The following SYNM variants were observed in gnomAD, a reference collection of about 807,000 sequenced individuals.
SYNM encodes the protein desmuslin.
A neutral mutation model predicts 104.0 loss-of-function variants in SYNM; 95 were observed. The observed-to-expected ratio is 0.91, with a 90% CI of 0.77 to 1.08. The LOEUF is 1.08. Ranked by LOEUF, SYNM falls within the 50% of genes least tolerant of loss-of-function variation. The probability of loss-of-function intolerance (pLI) is 0.00; values close to 1 mark genes in which losing one functional copy is unlikely to be tolerated. For synonymous variants in SYNM, 918 were observed against 869.0 expected, an observed-to-expected ratio of 1.06 and a Z score of -0.99; for missense variants, 2,150 against 2,052.2, an observed-to-expected ratio of 1.05 and a Z score of -0.92.
At chr15:99,114,624 G>C (rs995023017) in intron 2 of SYNM, among the ~76,000 whole-genome samples, 3 of 152,096 alleles carry the variant, frequency 2.0e-5, no homozygotes, top group Non-Finnish European at 4.4e-5. Flanking sequence ...TATGTATCAA[G>C]ATGTTGACTT....
Position 99,129,998 on chromosome 15 carries a change from T to TA in SYNM, c.1640dup (p.Glu548GlyfsTer15). The TA allele has an allele frequency of 6.2e-7, 1 of 1,612,608 alleles. No homozygotes were observed. The highest frequency in any genetic ancestry group is 2.2e-5 in the East Asian group (1 of 44,850). The stretch of plus-strand genomic sequence containing the variant: ...GATGGGAAGAATTGACAAAGTTAGA[T>TA]AAGGAAGCGAGACAGAGAGAAAGCC... On this transcript the variant is annotated frameshift_variant, in exon 4 of 4. Transcript: ENST00000336292. LOFTEE classifies it high-confidence loss of function.
At chr15:99,123,694 T>C (rs1457065394) in intron 2 of SYNM, among the ~76,000 whole-genome samples, 4 of 152,236 alleles carry the variant, frequency 2.6e-5, no homozygotes, top group African/African-American at 9.6e-5. Context: ...CCACCTGCTG[T>C]TTGCTAGGAA....
At chr15:99,122,750 G>A (rs909546182) in intron 2 of SYNM, among the ~76,000 whole-genome samples, 1 of 152,106 alleles carries the variant, frequency 6.6e-6, no homozygotes, top group Non-Finnish European at 1.5e-5. Context: ...GAGGTGGGAG[G>A]ATCACCTAAG....
downstream of SYNM, chr15:99,137,892 T>C: frequency 1.3e-6 from 2 of 1,507,008 alleles, no homozygotes; most frequent in South Asian, 2.6e-5. Context: ...GGGCCAACAG[T>C]TGGCCTTGGA....
chr15:99,119,714 A>C (rs1247913758), intron 2 of SYNM, among the ~76,000 whole-genome samples: 1 of 152,274 alleles, frequency 6.6e-6, no homozygotes, highest in Non-Finnish European at 1.5e-5. Context: ...CGAGATGAGC[A>C]ACACAACTCA....
intron 2 of SYNM, among the ~76,000 whole-genome samples, chr15:99,123,303 G>GTTTTT (rs10695953): frequency 6.9e-6 from 1 of 145,934 alleles, no homozygotes; most frequent in African/African-American, 2.6e-5. Flanking sequence ...TGATTATCTG[G>GTTTTT]TTTTTTTTTT....
chr15:99,132,007 G>A lies in SYNM; in HGVS notation c.3647G>A (p.Gly1216Glu). The A allele has an allele frequency of 6.2e-7, 1 of 1,613,992 alleles. No individual in the cohort carries two copies. Among genetic ancestry groups the A allele is most frequent in the Non-Finnish European group, 8.5e-7 (1 of 1,179,902 alleles). Residue 1216 changes from glycine (G) to glutamate (E), a missense_variant, in exon 4 of 4, where the codon GGA becomes GAA. Gly to Glu is a moderately conservative substitution (Grantham distance 98). Transcript: ENST00000336292. ...GPAESSADMDGSGRHSTFGCR... is the reference protein window; with the variant it reads ...GPAESSADMDESGRHSTFGCR... ...GCAGAGTCTTCTGCAGATATGGACG[G>A]ATCAGGGAGGCACAGCACATTTGGC...
chr15:99,137,056 T>G (rs2067646262), downstream of SYNM: 1 of 152,322 alleles, frequency 6.6e-6, no homozygotes, highest in Admixed American at 6.5e-5. Flanking sequence ...CCACAGTCTG[T>G]GGGACCAGGG....
chr15:99,126,611 CT>C, intron 2 of SYNM, 110 bp from the exon 3 acceptor site: 1 of 1,096,120 alleles, frequency 9.1e-7, no homozygotes, highest in Non-Finnish European at 1.3e-6. Flanking sequence ...GGTAGAAGTC[CT>C]AAAACAGGTG....
chr15:99,113,260 T>C (rs971523028), intron 1 of SYNM, among the ~76,000 whole-genome samples: 2 of 152,196 alleles, frequency 1.3e-5, no homozygotes, highest in Non-Finnish European at 2.9e-5. Context: ...AGTGACTGGT[T>C]TGAAGCACTG....
Position 99,132,672 on chromosome 15 carries a change from C to G in SYNM, c.4312C>G (p.Leu1438Val). Reference protein sequence around the residue: ...VLAGSADSPELGKLADSSRTL... With the variant: ...VLAGSADSPEVGKLADSSRTL... ...TGCTGGTTCAGCGGACTCCCCTGAG[C>G]TAGGCAAGTTAGCAGACAGCAGCAG... is the stretch of plus-strand genomic sequence containing the variant. The change falls in exon 4 of 4, where the codon CTA (leucine) becomes GTA (valine). Residue 1438 changes from leucine to valine, a missense_variant. By Grantham distance (32) the Leu-to-Val change is conservative. Coordinates refer to ENST00000336292, the MANE Select transcript of SYNM (RefSeq NM_145728.3). The G allele has an allele frequency of 6.2e-7, 1 of 1,614,044 alleles. No individual in the cohort carries two copies. Among genetic ancestry groups the G allele is most frequent in the Non-Finnish European group, 8.5e-7 (1 of 1,179,898 alleles).
chr15:99,106,389 C>T (rs1433188010), intron 1 of SYNM, among the ~76,000 whole-genome samples: 1 of 152,256 alleles, frequency 6.6e-6, no homozygotes, highest in Non-Finnish European at 1.5e-5. Flanking sequence ...CGAGAAACCT[C>T]TCTCACTTGC....
In SYNM at chr15:99,129,984, T is replaced by A. The variant is rs181135818; in HGVS notation, c.1624T>A (p.Leu542Met). 2 of 1,612,052 alleles carry A rather than the reference T, an allele frequency of 1.2e-6. No homozygotes were observed. The highest frequency in any genetic ancestry group is 4.5e-5 in the East Asian group (2 of 44,858). ...GGAGAGAAACCTAAGATGGGAAGAA[T>A]TGACAAAGTTAGATAAGGAAGCGAG... ...SEERNLRWEE[L>M]TKLDKEARQR... is the part of the protein sequence containing the mutation. Residue 542 changes from leucine (L) to methionine (M), a missense_variant, in exon 4 of 4, where the codon TTG becomes ATG. By Grantham distance (15) the Leu-to-Met change is conservative. Transcript: ENST00000336292.
intron 2 of SYNM, among the ~76,000 whole-genome samples, chr15:99,119,040 T>TA (rs1450586110): frequency 6.6e-6 from 1 of 152,126 alleles, no homozygotes; most frequent in African/African-American, 2.4e-5. Context: ...GGGCTCGAGG[T>TA]ACTGATCCAT....
rs1056799103 is a variant in SYNM at position 99,111,908 on chromosome 15, G to T, written c.811-1683G>T. ...AACAATACAAAAATCAGTTGGGCGT[G>T]ATGGCAGGCGCCTGTATACAGTCCC... On this transcript the variant is annotated intron_variant, in intron 1 of 3. Coordinates refer to ENST00000336292, the MANE Select transcript of SYNM (RefSeq NM_145728.3). Among the ~76,000 whole-genome samples, 8 of 152,346 alleles carry T rather than the reference G, an allele frequency of 5.3e-5. No homozygotes were observed. The South Asian group carries it at 1.7e-3, about 32-fold the overall frequency.
Position 99,131,320 on chromosome 15 carries a change from A to G in SYNM, c.2960A>G (p.Lys987Arg). ...GGPGSVSVDV[K>R]KVQGAGGSSV... Reference sequence around the variant, plus strand: ...CCGGGGAGCGTTTCCGTGGATGTCAAGAAGGTCCAGGGTGCTGGTGGCAGT... The same window carrying G: ...CCGGGGAGCGTTTCCGTGGATGTCAGGAAGGTCCAGGGTGCTGGTGGCAGT... The change falls in exon 4 of 4, where the codon AAG becomes AGG. Residue 987 changes from lysine to arginine, a missense_variant. Lys to Arg is a conservative substitution (Grantham distance 26, BLOSUM62 2). Coordinates refer to ENST00000336292, the MANE Select transcript of SYNM (RefSeq NM_145728.3). This position sits in a 1 kb window ranked among gnomAD's most constrained non-coding sequence, Gnocchi z 4.3. 1 of 1,613,238 alleles carries G rather than the reference A, an allele frequency of 6.2e-7. No homozygotes were observed. The highest frequency in any genetic ancestry group is 8.5e-7 in the Non-Finnish European group (1 of 1,179,702).
rs1357443957 is a variant in SYNM, at chr15:99,119,104, G to A, written c.935+5389G>A. ...GAGTGTGCGTTTTATTGCACTAGCA[G>A]CAGAATGGTAAGGGAAACATGCTCG... is the stretch of plus-strand genomic sequence containing the variant. On this transcript the variant is annotated intron_variant, in intron 2 of 3. Coordinates refer to ENST00000336292, the MANE Select transcript of SYNM (RefSeq NM_145728.3). Among the ~76,000 whole-genome samples the A allele has an allele frequency of 2.6e-5, 4 of 152,216 alleles. No homozygotes were observed. In the East Asian group the frequency reaches 7.7e-4, roughly 29 times the overall value.
rs534852737 is a variant in SYNM at position 99,112,117 on chromosome 15, C to A, written c.811-1474C>A. On this transcript the variant is annotated intron_variant, in intron 1 of 3. Transcript: ENST00000336292. ...TTGTAGAGTTCATTCCTTGGTTTCACAGACATATTTATTATGGACCCTCAG... is the reference window on the plus strand; with the variant it reads ...TTGTAGAGTTCATTCCTTGGTTTCAAAGACATATTTATTATGGACCCTCAG... 5.2e-4 allele frequency among the ~76,000 whole-genome samples: 79 copies of A among 152,306 alleles called. 2 individuals carry two copies. The South Asian group carries it at 0.013, about 26-fold the overall frequency.
chr15:99,113,212 C>T (rs991456445), intron 1 of SYNM, among the ~76,000 whole-genome samples: 5 of 152,092 alleles, frequency 3.3e-5, no homozygotes, highest in African/African-American at 4.8e-5. Flanking sequence ...TTGTAAAACC[C>T]CTGATTTCTA....
Sources: gnomAD v4.1 joint callset for allele counts (sites outside exome capture counted in the v4.1 genomes callset) on GRCh38, gnomAD v4.1.1 for gene constraint, Gnocchi (gnomAD v3.1) non-coding constraint, MANE v1.5 for transcripts, NCBI Gene and HGNC (gene_info 2026-07-23, HGNC 2026-07-21) for gene names.